Variants in RBM44 observed in about 807,000 individuals in gnomAD.
The protein encoded by RBM44 is RNA-binding protein 44.
RBM44 carries 66 observed loss-of-function variants against 105.1 expected under a neutral mutation model. The observed-to-expected ratio is 0.63, with a 90% CI of 0.52 to 0.77. RBM44 has a LOEUF of 0.77. Ranked by LOEUF, RBM44 falls within the 30% of genes least tolerant of loss-of-function variation. The probability of loss-of-function intolerance (pLI) is 0.00; values close to 1 mark genes in which losing one functional copy is unlikely to be tolerated. For missense variants in RBM44, 1,122 were observed against 1,207.8 expected (o/e 0.93, Z 1.05); for synonymous variants, 365 against 417.6 (o/e 0.87, Z 1.54).
Position 237,823,542 on chromosome 2 carries a change from C to G in RBM44, c.2308C>G (p.Leu770Val). ...AAATGCAGACTTTAGTCAACTGAAA[C>G]TTGGTGATAAAGGTTAGTATAAAAA... The part of the protein sequence containing the change: ...DINADFSQLK[L>V]GDKDCRHYQE... Residue 770 changes from leucine to valine, a missense_variant, in exon 9 of 16, where the codon CTT becomes GTT. Physicochemically the swap from Leu to Val is conservative, Grantham distance 32. This residue lies in a region of RBM44 where 918 missense variants were observed against 955.3 expected (regional missense o/e 0.96). Coordinates refer to ENST00000316997, the MANE Select transcript of RBM44 (RefSeq NM_001080504.3). 3 of 1,459,372 alleles carry G rather than the reference C, an allele frequency of 2.1e-6. No homozygotes were observed. Among genetic ancestry groups the G allele is most frequent in the Non-Finnish European group, 2.8e-6 (3 of 1,063,342 alleles). The allele number at this position is 1,459,372 out of a possible 1,614,324, so 90.4% of individuals were successfully genotyped here.
Position 237,823,515 on chromosome 2 carries a change from A to G in RBM44, c.2281A>G (p.Ile761Val). 1 of 1,536,210 alleles carries G rather than the reference A, an allele frequency of 6.5e-7. No homozygotes were observed. Among genetic ancestry groups the G allele is most frequent in the Non-Finnish European group, 8.8e-7 (1 of 1,131,646 alleles). The change falls in exon 9 of 16, where the codon ATA becomes GTA. Residue 761 changes from isoleucine to valine, a missense_variant. Coordinates refer to ENST00000316997, the MANE Select transcript of RBM44 (RefSeq NM_001080504.3). ...GAAAGATGACTTTAAAAATGGTGAT[A>G]TAAATGCAGACTTTAGTCAACTGAA... ...PKKDDFKNGD[I>V]NADFSQLKLG... is the part of the protein sequence containing the mutation.
intron 13 of RBM44, among the ~76,000 whole-genome samples, chr2:237,833,613 A>G (rs958436347): frequency 2.0e-5 from 3 of 152,198 alleles, no homozygotes; most frequent in Non-Finnish European, 2.9e-5. Flanking sequence ...AGCCTAAAAC[A>G]TTTATTTAAT....
At chr2:237,821,880 T>A in intron 8 of RBM44, 53 bp downstream of exon 8, 1 of 1,197,644 alleles carries the variant, frequency 8.3e-7, no homozygotes, top group Non-Finnish European at 1.2e-6. Flanking sequence ...ATGGTTTACG[T>A]AAAGTAAATC....
At chr2:237,816,921 C>G in intron 2 of RBM44, 72 bp from the exon 3 acceptor site, 1 of 919,648 alleles carries the variant, frequency 1.1e-6, no homozygotes. Context: ...TAAACCAGAT[C>G]ATGTCTAAGG....
chr2:237,799,592 C>T (rs1576491052), intron 1 of RBM44, among the ~76,000 whole-genome samples: 1 of 152,208 alleles, frequency 6.6e-6, no homozygotes, highest in East Asian at 1.9e-4. Context: ...AGGCGTGAGC[C>T]ACCGCGCCCG....
At chr2:237,802,665 A>G (rs2061557132) in intron 1 of RBM44, among the ~76,000 whole-genome samples, 1 of 152,186 alleles carries the variant, frequency 6.6e-6, no homozygotes, top group Non-Finnish European at 1.5e-5. Flanking sequence ...CCCTTTTGGA[A>G]ATTGTATGCC....
chr2:237,836,414 C>A (rs2061959708), intron 15 of RBM44, among the ~76,000 whole-genome samples: 1 of 152,112 alleles, frequency 6.6e-6, no homozygotes, highest in Non-Finnish European at 1.5e-5. Context: ...TCAAAAGATC[C>A]TCCTGCCTCA....
chr2:237,838,509 AAAT>A (rs1480470185), intron 15 of RBM44, among the ~76,000 whole-genome samples: 1 of 152,210 alleles, frequency 6.6e-6, no homozygotes, highest in South Asian at 2.1e-4. Context: ...GTAGAAACAA[AAAT>A]AATGATGTTT....
chr2:237,839,498 T>C (rs2150993222), intron 15 of RBM44, among the ~76,000 whole-genome samples: 1 of 147,622 alleles, frequency 6.8e-6, no homozygotes, highest in South Asian at 2.2e-4. Flanking sequence ...CTCGATCTCT[T>C]GACCTTGTGA....
At position 237,818,313 on chromosome 2, in the gene RBM44, A is replaced by G. The variant is rs1168729096; in HGVS notation, c.1394A>G (p.Asn465Ser). ...GCAGCAAGTTGTACAGTCACAATTA[A>G]TCAGACAGTGGACGTTAGCACTGAT... ...TDAASCTVTI[N>S]QTVDVSTDFR... is the part of the protein sequence containing the mutation. Residue 465 changes from asparagine to serine, a missense_variant, in exon 3 of 16, where the codon AAT becomes AGT. This residue lies in a region of RBM44 where 918 missense variants were observed against 955.3 expected (regional missense o/e 0.96). Coordinates refer to ENST00000316997, the MANE Select transcript of RBM44 (RefSeq NM_001080504.3). The surrounding 1 kb of genome is among the most constrained non-coding windows in gnomAD (Gnocchi z 4.6). 11 of 1,613,416 alleles carry G rather than the reference A, an allele frequency of 6.8e-6. No homozygotes were observed. Among genetic ancestry groups the G allele is most frequent in the Admixed American group, 1.7e-5 (1 of 59,908 alleles).
intron 5 of RBM44, 186 bp from the exon 6 acceptor site, chr2:237,820,885 C>T: frequency 2.0e-6 from 1 of 498,916 alleles, no homozygotes; most frequent in Non-Finnish European, 3.5e-6. Context: ...CCCGTCTCTA[C>T]AATACATTTT....
At chr2:237,811,081 A>G (rs1308304949) in intron 1 of RBM44, among the ~76,000 whole-genome samples, 1 of 152,072 alleles carries the variant, frequency 6.6e-6, no homozygotes, top group Non-Finnish European at 1.5e-5. Flanking sequence ...AGGAAAAAAA[A>G]TGACAAGACG....
chr2:237,830,722 G>T (rs560330375), intron 13 of RBM44, among the ~76,000 whole-genome samples: 1 of 152,226 alleles, frequency 6.6e-6, no homozygotes, highest in Non-Finnish European at 1.5e-5. Flanking sequence ...CCATGTTTGT[G>T]TGAGTCTATT....
At position 237,817,839 on chromosome 2, in the gene RBM44, A is replaced by G. The variant is rs2150977841; in HGVS notation, c.920A>G (p.Gln307Arg). 6.2e-7 allele frequency: 1 copy of G among 1,612,234 alleles called. No individual in the cohort carries two copies. Among genetic ancestry groups the G allele is most frequent in the South Asian group, 1.1e-5 (1 of 90,884 alleles). The change falls in exon 3 of 16, where the codon CAG (glutamine) becomes CGG (arginine). Residue 307 changes from glutamine (Q) to arginine (R), a missense_variant. Physicochemically the swap from Gln to Arg is conservative, Grantham distance 43. Transcript: ENST00000316997. ...CTAAGAAGCAATTCTCCAGGAAACC[A>G]GGAATCTCAATCTAAGAGTGGTTCC... ...SVLRSNSPGN[Q>R]ESQSKSGSLS... is the part of the protein sequence containing the mutation.
At chr2:237,801,336 T>C (rs918301867) in intron 1 of RBM44, among the ~76,000 whole-genome samples, 1 of 152,130 alleles carries the variant, frequency 6.6e-6, no homozygotes, top group African/African-American at 2.4e-5. Flanking sequence ...CTTAAATATA[T>C]ACACACAATA....
rs2062019012 is a variant in RBM44, at chr2:237,842,259, T to C, written c.*443T>C. Reference sequence around the variant, plus strand: ...AAATGTAATTTACCTGAACTTTGTCTTAAGACTCTTACATTGGATTATAGG... The same window carrying C: ...AAATGTAATTTACCTGAACTTTGTCCTAAGACTCTTACATTGGATTATAGG... On this transcript the variant is annotated 3_prime_UTR_variant, in exon 16 of 16. Coordinates refer to ENST00000316997, the MANE Select transcript of RBM44 (RefSeq NM_001080504.3). 6.6e-6 allele frequency: 1 copy of C among 152,128 alleles called. No individual in the cohort carries two copies. The highest frequency in any genetic ancestry group is 2.4e-5 in the African/African-American group (1 of 41,452). The allele number at this position is 152,128 out of a possible 1,614,324, so 9.4% of individuals were successfully genotyped here. A position where few individuals can be genotyped will look rare whatever the true frequency, so the allele number is the denominator to read the frequency against.
rs781048893 is a variant in RBM44 at position 237,813,688 on chromosome 2, G to A, written c.73+6G>A. 2 of 1,576,074 alleles carry A rather than the reference G, an allele frequency of 1.3e-6. No individual in the cohort carries two copies. Among genetic ancestry groups the A allele is most frequent in the South Asian group, 1.1e-5 (1 of 90,236 alleles). On this transcript the variant is annotated splice_donor_region_variant and intron_variant, in intron 2 of 15. Coordinates refer to ENST00000316997, the MANE Select transcript of RBM44 (RefSeq NM_001080504.3). ...TGGAGGCAACCTCCAAAAAGGTAAG[G>A]GTCTAGTCCACTTACCCTTATTCTT...
chr2:237,809,729 G>A lies in RBM44; in HGVS notation c.-18-3863G>A, dbSNP rs115474834. Among the ~76,000 whole-genome samples the A allele has an allele frequency of 2.7e-3, 418 of 152,242 alleles. 5 individuals are homozygous for A. Among genetic ancestry groups the A allele is most frequent in the African/African-American group, 9.7e-3 (402 of 41,534 alleles). ...CAAATTTGTATCACTAACTAGGTCA[G>A]TGCTATTCAGTAGCACCACAATACA... On this transcript the variant is annotated intron_variant, in intron 1 of 15. Transcript: ENST00000316997.
In RBM44 at chr2:237,818,613, T is replaced by C; in HGVS notation, c.1677+17T>C. 2 of 1,446,748 alleles carry C rather than the reference T, an allele frequency of 1.4e-6. No homozygotes were observed. Among genetic ancestry groups the C allele is most frequent in the South Asian group, 1.5e-5 (1 of 67,518 alleles). The allele number at this position is 1,446,748 out of a possible 1,614,324, so 89.6% of individuals were successfully genotyped here. On this transcript the variant is annotated intron_variant, in intron 3 of 15. Coordinates refer to ENST00000316997, the MANE Select transcript of RBM44 (RefSeq NM_001080504.3). This position sits in a 1 kb window ranked among gnomAD's most constrained non-coding sequence, Gnocchi z 4.6. ...CTAAATAAGGTAAAATCAATATGAGTAATAATAAAATTTGGACTTTATAAA... is the reference window on the plus strand; with the variant it reads ...CTAAATAAGGTAAAATCAATATGAGCAATAATAAAATTTGGACTTTATAAA...
Sources: gnomAD v4.1 joint callset for allele counts (sites outside exome capture counted in the v4.1 genomes callset) on GRCh38, gnomAD v4.1.1 for gene constraint, gnomAD v4.1.1 regional missense constraint, Gnocchi (gnomAD v3.1) non-coding constraint, MANE v1.5 for transcripts, NCBI Gene and HGNC (gene_info 2026-07-23, HGNC 2026-07-21) for gene names.